Variants in TMEM131L observed in about 807,000 individuals in gnomAD.
TMEM131L encodes transmembrane 131 like.
TMEM131L carries 54 observed loss-of-function variants against 192.2 expected under a neutral mutation model. The ratio of observed to expected loss-of-function variants is 0.28; its 90% CI spans 0.23 to 0.35. The LOEUF is 0.35. Among genes scored for constraint, TMEM131L ranks in the 10% least tolerant of loss-of-function variants. The probability of loss-of-function intolerance (pLI) is 1.00; values close to 1 mark genes in which losing one functional copy is unlikely to be tolerated. For synonymous variants in TMEM131L, 701 were observed against 704.9 expected (o/e 0.99, Z 0.09); for missense variants, 1,888 against 1,972.9 (o/e 0.96, Z 0.82).
At chr4:153,591,312 C>G in intron 17 of TMEM131L, 118 bp downstream of exon 17, 1 of 908,266 alleles carries the variant, frequency 1.1e-6, no homozygotes, top group Non-Finnish European at 1.6e-6. Context: ...AAGGCGATGT[C>G]AAAAGAACTA....
intron 21 of TMEM131L, among the ~76,000 whole-genome samples, chr4:153,599,843 AGGT>A (rs1401757109): frequency 2.6e-5 from 4 of 152,078 alleles, no homozygotes; most frequent in Non-Finnish European, 4.4e-5. Flanking sequence ...GGATCACCTG[AGGT>A]CAGGAGTTCG....
intron 31 of TMEM131L, among the ~76,000 whole-genome samples, chr4:153,631,509 G>T (rs1333141330): frequency 6.6e-6 from 1 of 152,182 alleles, no homozygotes; most frequent in Admixed American, 6.5e-5. Context: ...TACAGGAGAA[G>T]AACCCTGAGC....
chr4:153,592,389 G>C, intron 17 of TMEM131L, 86 bp from the exon 18 acceptor site: 2 of 831,768 alleles, frequency 2.4e-6, no homozygotes, highest in Non-Finnish European at 4.2e-6. Context: ...ATTTCCTCAT[G>C]ATTAGGTTAT....
intron 3 of TMEM131L, among the ~76,000 whole-genome samples, chr4:153,505,568 A>G (rs563323795): frequency 1.3e-5 from 2 of 152,366 alleles, no homozygotes; most frequent in African/African-American, 4.8e-5. Flanking sequence ...TGTAAGAAAC[A>G]TAATTCAGCC....
intron 25 of TMEM131L, 40 bp from the exon 26 acceptor site, chr4:153,612,212 A>G: frequency 6.9e-7 from 1 of 1,449,662 alleles, no homozygotes; most frequent in Non-Finnish European, 9.2e-7. Flanking sequence ...TGTGAGTGGA[A>G]ACTATTAGCT....
chr4:153,509,170 C>A (rs776068306), intron 3 of TMEM131L, among the ~76,000 whole-genome samples: 3 of 150,524 alleles, frequency 2.0e-5, no homozygotes, highest in Non-Finnish European at 4.4e-5. Flanking sequence ...CATGGTGAAA[C>A]CCTGTCTCTA....
Position 153,485,149 on chromosome 4 carries a change from G to A in TMEM131L, c.239+11261G>A, listed in dbSNP as rs1465090071. On this transcript the variant is annotated intron_variant, in intron 3 of 34. Coordinates refer to ENST00000409959, the MANE Select transcript of TMEM131L (RefSeq NM_001131007.2). Reference sequence around the variant, plus strand: ...AAAAAAAAAAAAAAAAAAAAAATCAGCATTTGTTGAGAATTTAAATACTAC... The same window carrying A: ...AAAAAAAAAAAAAAAAAAAAAATCAACATTTGTTGAGAATTTAAATACTAC... Among the ~76,000 whole-genome samples the A allele has an allele frequency of 2.1e-5, 3 of 144,194 alleles. No homozygotes were observed. In the Admixed American group the frequency reaches 2.1e-4, roughly 10 times the overall value. 94.6% of individuals were successfully genotyped at this position (144,194 alleles called of 152,430 possible).
At chr4:153,580,139 T>TA (rs1217126689) in intron 7 of TMEM131L, among the ~76,000 whole-genome samples, 1 of 152,230 alleles carries the variant, frequency 6.6e-6, no homozygotes, top group East Asian at 1.9e-4. Context: ...CACATGCCTG[T>TA]AGCCCCCACC....
chr4:153,477,923 AT>A (rs1169966219), intron 3 of TMEM131L, among the ~76,000 whole-genome samples: 1 of 152,198 alleles, frequency 6.6e-6, no homozygotes, highest in Non-Finnish European at 1.5e-5. Flanking sequence ...TTAGAAGAAC[AT>A]TTTGTCTTCC....
At chr4:153,525,467 G>A (rs112850261) in intron 3 of TMEM131L, among the ~76,000 whole-genome samples, 362 of 152,192 alleles carry the variant, frequency 2.4e-3, no homozygotes, top group African/African-American at 7.9e-3. Flanking sequence ...AGCCTCCCAG[G>A]TAGCTGGGGT....
At chr4:153,577,388 G>A (rs1730024277) in intron 7 of TMEM131L, among the ~76,000 whole-genome samples, 1 of 152,132 alleles carries the variant, frequency 6.6e-6, no homozygotes, top group Non-Finnish European at 1.5e-5. Context: ...GGGCAGAGGT[G>A]GATGCAGGGA....
At chr4:153,495,242 G>A (rs1733086692) in intron 3 of TMEM131L, among the ~76,000 whole-genome samples, 1 of 152,046 alleles carries the variant, frequency 6.6e-6, no homozygotes, top group Admixed American at 6.6e-5. Context: ...GCTTGAACCT[G>A]GGAGGCATCC....
intron 8 of TMEM131L, among the ~76,000 whole-genome samples, 188 bp from the exon 9 acceptor site, chr4:153,581,219 A>G (rs1730315812): frequency 6.6e-6 from 1 of 152,220 alleles, no homozygotes; most frequent in Non-Finnish European, 1.5e-5. Flanking sequence ...GCACCACTGC[A>G]CTCCAGCCTG....
chr4:153,523,473 A>G (rs1257413818), intron 3 of TMEM131L, among the ~76,000 whole-genome samples: 3 of 152,234 alleles, frequency 2.0e-5, no homozygotes, highest in Non-Finnish European at 4.4e-5. Flanking sequence ...AAATAGCACT[A>G]CATTGTTTAG....
chr4:153,488,911 A>C (rs919112018), intron 3 of TMEM131L, among the ~76,000 whole-genome samples: 1 of 152,026 alleles, frequency 6.6e-6, no homozygotes, highest in Non-Finnish European at 1.5e-5. Flanking sequence ...CTTGTCGCAC[A>C]GCGCTCTCCC....
chr4:153,576,010 A>T (rs1044855620), intron 7 of TMEM131L, among the ~76,000 whole-genome samples: 11 of 150,900 alleles, frequency 7.3e-5, no homozygotes, highest in Middle Eastern at 3.4e-3. Context: ...CCCAGGTTGG[A>T]GTGCAGTGGC....
intron 3 of TMEM131L, 58 bp from the exon 4 acceptor site, chr4:153,550,015 A>G: frequency 1.2e-6 from 1 of 807,208 alleles, no homozygotes; most frequent in Non-Finnish European, 2.0e-6. Flanking sequence ...AGTACGTTAT[A>G]TCTCAGCATT....
At chr4:153,517,105 G>A (rs1734789917) in intron 3 of TMEM131L, among the ~76,000 whole-genome samples, 2 of 152,204 alleles carry the variant, frequency 1.3e-5, no homozygotes, top group South Asian at 2.1e-4. Context: ...GATTACAGGC[G>A]TGAGCCACCA....
At chr4:153,602,034 C>T (rs528279463) in intron 21 of TMEM131L, 118 bp from the exon 22 acceptor site, 23 of 576,368 alleles carry the variant, frequency 4.0e-5, no homozygotes, top group East Asian at 3.1e-4. Flanking sequence ...GGATTTTTTT[C>T]GCATTTTAGT....
Sources: allele counts gnomAD v4.1 joint callset (sites outside exome capture counted in the v4.1 genomes callset), GRCh38; gene constraint gnomAD v4.1.1; transcripts MANE v1.5; gene names NCBI Gene and HGNC (gene_info 2026-07-23, HGNC 2026-07-21).